EPHA6: variants seen among roughly 807,000 people sequenced by gnomAD.
EPHA6 encodes the protein EPH receptor A6.
EPHA6 carries 50 observed loss-of-function variants against 112.0 expected under a neutral mutation model. The observed-to-expected ratio is 0.45, with a 90% CI of 0.36 to 0.56. The LOEUF (loss-of-function observed/expected upper bound fraction) is 0.56, where lower values mean the gene tolerates loss of function less well. Among genes scored for constraint, EPHA6 ranks in the 20% least tolerant of loss-of-function variants. The pLI is 0.00. For synonymous variants in EPHA6, 529 were observed against 490.7 expected (o/e 1.08, Z -1.03); for missense variants, 1,280 against 1,417.4 (o/e 0.90, Z 1.56).
chr3:97,537,816 T>A (rs1351200617), intron 11 of EPHA6, among the ~76,000 whole-genome samples: 2 of 152,106 alleles, frequency 1.3e-5, no homozygotes, highest in Non-Finnish European at 2.9e-5. Flanking sequence ...CAACCTCAAG[T>A]GATCCACCTA....
chr3:97,002,093 A>G (rs1028106310), intron 3 of EPHA6, among the ~76,000 whole-genome samples: 21 of 151,730 alleles, frequency 1.4e-4, no homozygotes, highest in African/African-American at 4.6e-4. Context: ...ACTCTTCAGG[A>G]TTGGTTATTT....
intron 5 of EPHA6, among the ~76,000 whole-genome samples, chr3:97,358,285 C>T (rs1019952234): frequency 5.3e-5 from 8 of 151,836 alleles, no homozygotes; most frequent in African/African-American, 1.7e-4. Flanking sequence ...CATCTAACAT[C>T]CTGAAGTTAC....
chr3:97,531,561 A>G (rs1015563320), intron 10 of EPHA6, among the ~76,000 whole-genome samples: 2 of 152,004 alleles, frequency 1.3e-5, no homozygotes, highest in African/African-American at 4.8e-5. Context: ...CACTGTTCTT[A>G]CTTAACAAAT....
intron 3 of EPHA6, among the ~76,000 whole-genome samples, chr3:97,122,890 A>T (rs1167583920): frequency 2.0e-5 from 3 of 152,064 alleles, no homozygotes; most frequent in Non-Finnish European, 4.4e-5. Context: ...AAAATAAAAG[A>T]GGTCATGAGG....
intron 3 of EPHA6, among the ~76,000 whole-genome samples, chr3:97,153,430 A>G (rs1420372237): frequency 6.6e-6 from 1 of 152,168 alleles, no homozygotes; most frequent in Non-Finnish European, 1.5e-5. Flanking sequence ...AACGGTTATT[A>G]ATATAAAAGC....
At chr3:96,888,121 C>G (rs1216756862) in intron 2 of EPHA6, among the ~76,000 whole-genome samples, 1 of 152,144 alleles carries the variant, frequency 6.6e-6, no homozygotes. Context: ...CTTCTCACCC[C>G]ATTTAGATTG....
intron 4 of EPHA6, among the ~76,000 whole-genome samples, chr3:97,228,658 A>G (rs186817391): frequency 2.0e-5 from 3 of 151,890 alleles, no homozygotes; most frequent in Non-Finnish European, 4.4e-5. Context: ...TTTTTTTGCA[A>G]TTGCAAATTG....
chr3:97,606,801 T>C (rs1269590773), intron 12 of EPHA6, among the ~76,000 whole-genome samples: 1 of 151,208 alleles, frequency 6.6e-6, no homozygotes, highest in Non-Finnish European at 1.5e-5. Flanking sequence ...GAGATTATAA[T>C]TGTAATTCAC....
In EPHA6 at chr3:97,484,014, G is replaced by A. The variant is rs2091634309; in HGVS notation, c.2155G>A (p.Glu719Lys). ...CCTAGCAGTCCATGAATTTGCAAAGGAGATTGATCCCTCAAGAATTCGTAT... is the reference window on the plus strand; with the variant it reads ...CCTAGCAGTCCATGAATTTGCAAAGAAGATTGATCCCTCAAGAATTCGTAT... ...PSLAVHEFAKEIDPSRIRIER... is the reference protein window; with the variant it reads ...PSLAVHEFAKKIDPSRIRIER... Residue 719 changes from glutamate to lysine, a missense_variant, in exon 10 of 18, where the codon GAG (glutamate) becomes AAG (lysine). Physicochemically the swap from Glu to Lys is moderately conservative, Grantham distance 56. This residue lies in a region of EPHA6 where 878 missense variants were observed against 999.7 expected (regional missense o/e 0.88). Coordinates refer to ENST00000389672, the MANE Select transcript of EPHA6 (RefSeq NM_001080448.3). 5.6e-6 allele frequency: 9 copies of A among 1,610,524 alleles called. No homozygotes were observed. The highest frequency in any genetic ancestry group is 7.6e-6 in the Non-Finnish European group (9 of 1,178,370).
chr3:97,457,826 G>A (rs1411832846), intron 7 of EPHA6, among the ~76,000 whole-genome samples: 1 of 151,956 alleles, frequency 6.6e-6, no homozygotes, highest in Non-Finnish European at 1.5e-5. Context: ...CAGCACTTTG[G>A]AAGGCCGAGG....
At chr3:96,876,746 G>A (rs1238604984) in intron 2 of EPHA6, among the ~76,000 whole-genome samples, 1 of 151,978 alleles carries the variant, frequency 6.6e-6, no homozygotes, top group Non-Finnish European at 1.5e-5. Context: ...CCATGCTTAT[G>A]TCTATCTGGA....
intron 5 of EPHA6, among the ~76,000 whole-genome samples, chr3:97,362,847 AT>A (rs886461060): frequency 3.3e-5 from 5 of 151,766 alleles, no homozygotes; most frequent in African/African-American, 1.2e-4. Context: ...TAGTAAATTT[AT>A]TTACTAGTTA....
intron 2 of EPHA6, among the ~76,000 whole-genome samples, chr3:96,915,031 A>G (rs1274408360): frequency 6.7e-6 from 1 of 148,878 alleles, no homozygotes; most frequent in Admixed American, 6.6e-5. Flanking sequence ...ATTATTTAAT[A>G]TTATTATTAA....
At position 96,925,792 on chromosome 3, in the gene EPHA6, G is replaced by A. The variant is rs368291870; in HGVS notation, c.450+58903G>A. Among the ~76,000 whole-genome samples, 17 of 152,024 alleles carry A rather than the reference G, an allele frequency of 1.1e-4. No homozygotes were observed. In the South Asian group the frequency reaches 3.3e-3, roughly 30 times the overall value. On this transcript the variant is annotated intron_variant, in intron 2 of 17. Transcript: ENST00000389672. ...GGCTAATTTTTGTAATTTTAGTAGA[G>A]GTGGGGTTTCACCATGTTGTCCAGG...
chr3:97,738,741 G>C (rs960377719), intron 16 of EPHA6, among the ~76,000 whole-genome samples: 1 of 152,090 alleles, frequency 6.6e-6, no homozygotes, highest in Non-Finnish European at 1.5e-5. Context: ...TTGGCATCTT[G>C]ATTCAATTCT....
chr3:97,050,142 A>G (rs965503328), intron 3 of EPHA6, among the ~76,000 whole-genome samples: 4 of 152,124 alleles, frequency 2.6e-5, no homozygotes, highest in Admixed American at 2.0e-4. Flanking sequence ...GACCAACGTG[A>G]TGTGGTATTC....
At chr3:97,327,975 ATG>A (rs1179092336) in intron 5 of EPHA6, among the ~76,000 whole-genome samples, 75 of 138,920 alleles carry the variant, frequency 5.4e-4, no homozygotes, top group Middle Eastern at 7.1e-3. Context: ...ATATATGTAT[ATG>A]TGCATATATA....
At chr3:97,598,636 G>T (rs577926962) in intron 12 of EPHA6, among the ~76,000 whole-genome samples, 1 of 151,902 alleles carries the variant, frequency 6.6e-6, no homozygotes, top group African/African-American at 2.4e-5. Context: ...TGGTGTATAT[G>T]TGCCACATTT....
chr3:96,915,064 T>C (rs2039418969), intron 2 of EPHA6, among the ~76,000 whole-genome samples: 1 of 151,246 alleles, frequency 6.6e-6, no homozygotes, highest in African/African-American at 2.5e-5. Context: ...TTGAATCTAC[T>C]AGTTTATTAA....
Sources: allele counts gnomAD v4.1 joint callset (sites outside exome capture counted in the v4.1 genomes callset), GRCh38; gene constraint gnomAD v4.1.1; regional missense constraint gnomAD v4.1.1; transcripts MANE v1.5; gene names NCBI Gene and HGNC (gene_info 2026-07-23, HGNC 2026-07-21).